The following VPS51 variants were observed in gnomAD, a reference collection of about 807,000 sequenced individuals.
VPS51 encodes the protein vacuolar protein sorting-associated protein 51 homolog.
In VPS51, 55 loss-of-function variants were observed where a neutral mutation model predicts 65.1. The observed-to-expected ratio is 0.84, with a 90% CI of 0.68 to 1.06. The LOEUF (loss-of-function observed/expected upper bound fraction) is 1.06. Among genes scored for constraint, VPS51 ranks in the 50% least tolerant of loss-of-function variants. VPS51 has a pLI of 0.00. For synonymous variants in VPS51, 473 were observed against 489.5 expected (o/e 0.97, Z 0.44); for missense variants, 943 against 1,101.6 (o/e 0.86, Z 2.04).
At chr11:65,108,935 TC>T (rs758592314) in intron 5 of VPS51, 21 bp downstream of exon 5, 27 of 1,610,922 alleles carry the variant, frequency 1.7e-5, no homozygotes, top group Non-Finnish European at 2.3e-5. Flanking sequence ...TCTTGGGTGT[TC>T]CTTGTTCAAC....
chr11:65,096,836 A>G, intron 1 of VPS51, 162 bp from the exon 2 acceptor site: 2 of 1,073,730 alleles, frequency 1.9e-6, no homozygotes, highest in Non-Finnish European at 2.7e-6. Flanking sequence ...CCCCTGAGCT[A>G]GGCCACTTAG....
At chr11:65,105,896 G>C (rs1413209120) in intron 2 of VPS51, among the ~76,000 whole-genome samples, 6 of 152,236 alleles carry the variant, frequency 3.9e-5, no homozygotes, top group Non-Finnish European at 8.8e-5. Context: ...AGATGAGCAG[G>C]TGCATAGGGC....
intron 2 of VPS51, among the ~76,000 whole-genome samples, chr11:65,099,697 T>C (rs936304748): frequency 1.3e-5 from 2 of 151,794 alleles, no homozygotes; most frequent in Non-Finnish European, 2.9e-5. Flanking sequence ...TTGGGGAGGC[T>C]AAGGTGGGTG....
rs2137189207 is a variant in VPS51, at chr11:65,107,442, C to T, written c.359-139C>T. The T allele has an allele frequency of 9.4e-7, 1 of 1,067,704 alleles. No individual in the cohort carries two copies. The highest frequency in any genetic ancestry group is 1.6e-5 in the South Asian group (1 of 62,210). The allele number at this position is 1,067,704 out of a possible 1,614,324, so 66.1% of individuals were successfully genotyped here. A position where few individuals can be genotyped will look rare whatever the true frequency, so the allele number is the denominator to read the frequency against. On this transcript the variant is annotated intron_variant, in intron 2 of 9. Transcript: ENST00000279281. The surrounding 1 kb of genome is among the most constrained non-coding windows in gnomAD (Gnocchi z 4.0). ...CCATGTGCGCTGTGACCCACGCCCTCGCAGTCCTTTCTCTGGAATCATCCA... is the reference window on the plus strand; with the variant it reads ...CCATGTGCGCTGTGACCCACGCCCTTGCAGTCCTTTCTCTGGAATCATCCA...
intron 2 of VPS51, among the ~76,000 whole-genome samples, chr11:65,100,728 T>C (rs552439749): frequency 2.0e-5 from 3 of 152,142 alleles, no homozygotes; most frequent in African/African-American, 7.2e-5. Context: ...GTATATTTAC[T>C]AGAGACGGGA....
At chr11:65,106,943 G>A (rs1302195706) in intron 2 of VPS51, among the ~76,000 whole-genome samples, 2 of 152,024 alleles carry the variant, frequency 1.3e-5, no homozygotes, top group Non-Finnish European at 2.9e-5. Flanking sequence ...TTGATGGCAT[G>A]GTCTTCCTAG....
In VPS51 at chr11:65,107,596, TGAA is replaced by T. The variant is rs1476738741; in HGVS notation, c.378_380del (p.Lys126del). 1 of 1,592,832 alleles carries T rather than the reference TGAA, an allele frequency of 6.3e-7. No individual in the cohort carries two copies. The highest frequency in any genetic ancestry group is 8.6e-7 in the Non-Finnish European group (1 of 1,163,140). On this transcript the variant is annotated inframe_deletion, in exon 3 of 10. Coordinates refer to ENST00000279281, the MANE Select transcript of VPS51 (RefSeq NM_013265.4). The surrounding 1 kb of genome is among the most constrained non-coding windows in gnomAD (Gnocchi z 4.0). ...GCCCTCCTAGACACCATCCGGAAGATGAAGAACGATTTCCGGAAGATGGAGGAT... is the reference window on the plus strand; with the variant it reads ...GCCCTCCTAGACACCATCCGGAAGATGAACGATTTCCGGAAGATGGAGGAT...
In VPS51 at chr11:65,109,426, C is replaced by T; in HGVS notation, c.1590C>T (p.Leu530=). 1 of 1,610,648 alleles carries T rather than the reference C, an allele frequency of 6.2e-7. No homozygotes were observed. Among genetic ancestry groups the T allele is most frequent in the Non-Finnish European group, 8.5e-7 (1 of 1,180,022 alleles). The stretch of plus-strand genomic sequence containing the variant: ...CCCTGCTCCTGCTGCTCTCCCGCCT[C>T]TGCCTGGACTACGAGACGGCCACCA... ...PPALLLLLSR[L]CLDYETATIS... The change falls in exon 6 of 10, where the codon CTC becomes CTT. Residue 530 remains leucine (L), a synonymous_variant. Coordinates refer to ENST00000279281, the MANE Select transcript of VPS51 (RefSeq NM_013265.4).
At chr11:65,109,251 G>T in intron 5 of VPS51, 29 bp from the exon 6 acceptor site, 1 of 1,600,118 alleles carries the variant, frequency 6.2e-7, no homozygotes. Flanking sequence ...GAGGGGACCT[G>T]CTGTGGACCT....
At chr11:65,109,190 GC>G in intron 5 of VPS51, 89 bp from the exon 6 acceptor site, 1 of 1,383,814 alleles carries the variant, frequency 7.2e-7, no homozygotes, top group Non-Finnish European at 9.9e-7. Context: ...TGCAGAGGGG[GC>G]TGGGGCACTT....
rs1947848655 is a variant in VPS51 at position 65,107,305 on chromosome 11, T to G, written c.359-276T>G. On this transcript the variant is annotated intron_variant, in intron 2 of 9. Coordinates refer to ENST00000279281, the MANE Select transcript of VPS51 (RefSeq NM_013265.4). The surrounding 1 kb of genome is among the most constrained non-coding windows in gnomAD (Gnocchi z 4.0). Reference sequence around the variant, plus strand: ...AGCTGGCTAAGCACCTGCGGCCTGCTTCGGATCTGGACTAATTCTGAGGGC... The same window carrying G: ...AGCTGGCTAAGCACCTGCGGCCTGCGTCGGATCTGGACTAATTCTGAGGGC... 1.7e-6 allele frequency: 1 copy of G among 592,892 alleles called. No individual in the cohort carries two copies. Among genetic ancestry groups the G allele is most frequent in the South Asian group, 1.5e-5 (1 of 65,046 alleles). The allele number at this position is 592,892 out of a possible 1,614,324, so 36.7% of individuals were successfully genotyped here.
rs982703830 is a variant in VPS51 at position 65,107,787 on chromosome 11, A to C, written c.506-16A>C. ...TTCCTGGGGCTCTGGGGCTAACGTC[A>C]CCCTCCGTCCCCCAGGGGTCCACGC... On this transcript the variant is annotated splice_polypyrimidine_tract_variant and intron_variant, in intron 3 of 9. Transcript: ENST00000279281. This position sits in a 1 kb window ranked among gnomAD's most constrained non-coding sequence, Gnocchi z 4.0. 1.9e-5 allele frequency: 30 copies of C among 1,597,696 alleles called. No individual in the cohort carries two copies. The highest frequency in any genetic ancestry group is 2.7e-5 in the African/African-American group (2 of 74,518).
intron 2 of VPS51, among the ~76,000 whole-genome samples, chr11:65,100,525 GTTTTTT>G (rs36120079): frequency 4.6e-5 from 3 of 65,612 alleles, no homozygotes; most frequent in African/African-American, 1.2e-4. Context: ...TCATAGCAGT[GTTTTTT>G]TTTTTTTTTT....
intron 2 of VPS51, among the ~76,000 whole-genome samples, chr11:65,097,658 C>T (rs1173234859): frequency 1.3e-5 from 2 of 151,454 alleles, no homozygotes; most frequent in African/African-American, 4.9e-5. Flanking sequence ...TAAGATTGAC[C>T]TGGGAAATAT....
chr11:65,109,762 C>G lies in VPS51; in HGVS notation c.1717C>G (p.Arg573Gly). 6.3e-7 allele frequency: 1 copy of G among 1,598,914 alleles called. No homozygotes were observed. Among genetic ancestry groups the G allele is most frequent in the Non-Finnish European group, 8.5e-7 (1 of 1,173,518 alleles). Residue 573 changes from arginine (R) to glycine (G), a missense_variant, in exon 7 of 10, where the codon CGG becomes GGG. By Grantham distance (125) the Arg-to-Gly change is moderately radical. Around this residue, in one of 2 missense-constraint regions of VPS51, gnomAD observed 855 missense variants for 953.7 expected, o/e 0.90. Transcript: ENST00000279281. The stretch of plus-strand genomic sequence containing the variant: ...GTGTGCAGAGGCCAGGGAAACGGCG[C>G]GGCGGCTGCTGACCCACTACGTGAA... Reference protein sequence around the residue: ...TLCAEARETARRLLTHYVKVQ... With the variant: ...TLCAEARETAGRLLTHYVKVQ...
At chr11:65,096,861 G>GATT in intron 1 of VPS51, 137 bp from the exon 2 acceptor site, 3 of 1,339,096 alleles carry the variant, frequency 2.2e-6, no homozygotes, top group Middle Eastern at 5.3e-4. Flanking sequence ...CCCTGCCTGG[G>GATT]ATTCCTGACA....
rs1947863190 is a variant in VPS51 at position 65,108,640 on chromosome 11, G to T, written c.1169G>T (p.Gly390Val). The change falls in exon 5 of 10, where the codon GGG becomes GTG. Residue 390 changes from glycine to valine, a missense_variant. Physicochemically the swap from Gly to Val is moderately radical, Grantham distance 109. Around this residue, in one of 2 missense-constraint regions of VPS51, gnomAD observed 855 missense variants for 953.7 expected, o/e 0.90. Coordinates refer to ENST00000279281, the MANE Select transcript of VPS51 (RefSeq NM_013265.4). ...RAPGALLAAA[G>V]LADAATEIVE... ...CCCGGGGCCCTGCTGGCCGCTGCCG[G>T]GCTCGCAGACGCTGCCACGGAGATC... 1.3e-6 allele frequency: 2 copies of T among 1,537,588 alleles called. No individual in the cohort carries two copies. Among genetic ancestry groups the T allele is most frequent in the Non-Finnish European group, 8.7e-7 (1 of 1,150,066 alleles).
At chr11:65,106,944 G>A (rs566720678) in intron 2 of VPS51, among the ~76,000 whole-genome samples, 2 of 152,190 alleles carry the variant, frequency 1.3e-5, no homozygotes, top group African/African-American at 2.4e-5. Flanking sequence ...TGATGGCATG[G>A]TCTTCCTAGA....
intron 4 of VPS51, 43 bp from the exon 5 acceptor site, chr11:65,108,154 C>G: frequency 6.3e-7 from 1 of 1,579,820 alleles, no homozygotes; most frequent in Non-Finnish European, 8.5e-7. Context: ...CCCCATCCAC[C>G]GGCAGCCCCG....
Sources: allele counts gnomAD v4.1 joint callset (sites outside exome capture counted in the v4.1 genomes callset), GRCh38; gene constraint gnomAD v4.1.1; regional missense constraint gnomAD v4.1.1; non-coding constraint Gnocchi (gnomAD v3.1); transcripts MANE v1.5; gene names NCBI Gene and HGNC (gene_info 2026-07-23, HGNC 2026-07-21).